Variants in ZC3H14 observed in about 807,000 individuals in gnomAD.
The protein encoded by ZC3H14 is zinc finger CCCH domain-containing protein 14.
A neutral mutation model predicts 92.4 loss-of-function variants in ZC3H14; 31 were observed. The observed-to-expected ratio is 0.34, with a 90% CI of 0.25 to 0.45. The LOEUF (loss-of-function observed/expected upper bound fraction) is 0.45. Ranked by LOEUF, ZC3H14 falls within the 20% of genes least tolerant of loss-of-function variation. The pLI, the probability that ZC3H14 is intolerant of heterozygous loss-of-function variation, is 1.00. For synonymous variants in ZC3H14, 321 were observed against 300.9 expected (o/e 1.07, Z -0.69); for missense variants, 781 against 897.3 (o/e 0.87, Z 1.66).
chr14:88,603,046 G>A lies in ZC3H14; in HGVS notation c.1733G>A (p.Gly578Asp). Reference protein sequence around the residue: ...LLSRQLEDPNGSFSNAEMSEL... With the variant: ...LLSRQLEDPNDSFSNAEMSEL... ...AGCAGGCAGCTTGAGGACCCAAATG[G>A]TAGCTTTTCTAACGGTGTGTTGAGA... Residue 578 changes from glycine (G) to aspartate (D), a missense_variant, in exon 12 of 17, where the codon GGT becomes GAT. Around this residue, in one of 3 missense-constraint regions of ZC3H14, gnomAD observed 221 missense variants for 304.7 expected, o/e 0.73. Transcript: ENST00000251038. The A allele has an allele frequency of 3.1e-6, 5 of 1,614,160 alleles. No homozygotes were observed. Among genetic ancestry groups the A allele is most frequent in the Non-Finnish European group, 4.2e-6 (5 of 1,180,018 alleles).
intron 2 of ZC3H14, among the ~76,000 whole-genome samples, chr14:88,567,342 C>T (rs2079817465): frequency 6.6e-6 from 1 of 151,334 alleles, no homozygotes. Flanking sequence ...GTCTCAATCT[C>T]CTAACCTTGT....
intron 2 of ZC3H14, 153 bp from the exon 3 acceptor site, chr14:88,567,884 GAA>G: frequency 1.4e-6 from 1 of 695,974 alleles, no homozygotes; most frequent in Non-Finnish European, 2.6e-6. Flanking sequence ...GGAATGAAGA[GAA>G]AAAAATTAAA....
Position 88,624,067 on chromosome 14 carries a change from T to A in ZC3H14, c.*12316T>A, listed in dbSNP as rs1171532975. Reference sequence around the variant, plus strand: ...ACTTCTTAGTCAACTATATGTCACATTTTTTTTTGTTTTTGTTTTTGTTTT... The same window carrying A: ...ACTTCTTAGTCAACTATATGTCACAATTTTTTTTGTTTTTGTTTTTGTTTT... On this transcript the variant is annotated 3_prime_UTR_variant, in exon 17 of 17. Transcript: ENST00000251038. The A allele has an allele frequency of 2.0e-5, 3 of 151,336 alleles. No homozygotes were observed. The highest frequency in any genetic ancestry group is 6.6e-5 in the Admixed American group (1 of 15,178). The allele number at this position is 151,336 out of a possible 1,614,324, so 9.4% of individuals were successfully genotyped here. A position where few individuals can be genotyped will look rare whatever the true frequency, so the allele number is the denominator to read the frequency against.
intron 6 of ZC3H14, chr14:88,573,559 G>GA (rs1566903152): frequency 6.6e-6 from 1 of 151,792 alleles, no homozygotes; most frequent in Admixed American, 6.6e-5. Context: ...TCAGCCTCCC[G>GA]AGTAGCTGGT....
Position 88,627,022 on chromosome 14 carries a change from C to T in ZC3H14, c.*15271C>T, listed in dbSNP as rs757023015. On this transcript the variant is annotated 3_prime_UTR_variant, in exon 17 of 17. Coordinates refer to ENST00000251038, the MANE Select transcript of ZC3H14 (RefSeq NM_024824.5). The stretch of plus-strand genomic sequence containing the variant: ...TGCCACAAAAATACGTTGATTGTGA[C>T]CAGCTCTGCTGGCAATTTTGGCACC... 1 of 1,613,720 alleles carries T rather than the reference C, an allele frequency of 6.2e-7. No individual in the cohort carries two copies. The highest frequency in any genetic ancestry group is 1.1e-5 in the South Asian group (1 of 91,070).
Position 88,625,238 on chromosome 14 carries a change from A to C in ZC3H14, c.*13487A>C. 7.8e-7 allele frequency: 1 copy of C among 1,290,200 alleles called. No individual in the cohort carries two copies. Among genetic ancestry groups the C allele is most frequent in the Non-Finnish European group, 1.1e-6 (1 of 944,216 alleles). 79.9% of individuals were successfully genotyped at this position (1,290,200 alleles called of 1,614,324 possible). The stretch of plus-strand genomic sequence containing the variant: ...CTGTCTCACCCTTGATACAAAGAGC[A>C]TGCATCGTGTAGTGGCAGCAGCACT... On this transcript the variant is annotated 3_prime_UTR_variant, in exon 17 of 17. Coordinates refer to ENST00000251038, the MANE Select transcript of ZC3H14 (RefSeq NM_024824.5).
chr14:88,594,613 C>T (rs1220442627), intron 9 of ZC3H14: 1 of 1,594,914 alleles, frequency 6.3e-7, no homozygotes, highest in Admixed American at 1.7e-5. Context: ...AGGTAACAGC[C>T]TTGATCACTG....
intron 2 of ZC3H14, among the ~76,000 whole-genome samples, chr14:88,566,170 G>A (rs2079596342): frequency 6.6e-6 from 1 of 151,338 alleles, no homozygotes; most frequent in Admixed American, 6.6e-5. Flanking sequence ...GTGAGCCACT[G>A]TGCCTTGCCT....
In ZC3H14 at chr14:88,617,902, G is replaced by A. The variant is rs539105844; in HGVS notation, c.*6151G>A. 4 of 176,508 alleles carry A rather than the reference G, an allele frequency of 2.3e-5. No individual in the cohort carries two copies. Among genetic ancestry groups the A allele is most frequent in the South Asian group, 1.5e-4 (1 of 6,572 alleles). 10.9% of individuals were successfully genotyped at this position (176,508 alleles called of 1,614,324 possible). ...ATTCAAGATAGCATTCCTTTAGATA[G>A]AGAATTAATAACAGTTGCTTAACAG... On this transcript the variant is annotated 3_prime_UTR_variant, in exon 17 of 17. Coordinates refer to ENST00000251038, the MANE Select transcript of ZC3H14 (RefSeq NM_024824.5).
intron 3 of ZC3H14, 67 bp downstream of exon 3, chr14:88,568,220 A>C (rs1389127586): frequency 3.0e-6 from 4 of 1,351,524 alleles, no homozygotes; most frequent in Non-Finnish European, 4.2e-6. Flanking sequence ...ATTCTGTCCA[A>C]AGAGAGGTTC....
intron 9 of ZC3H14, among the ~76,000 whole-genome samples, chr14:88,579,135 C>T (rs1408913713): frequency 2.0e-5 from 3 of 152,104 alleles, no homozygotes; most frequent in African/African-American, 7.2e-5. Context: ...TTTCAAGAAC[C>T]TTGGAATATA....
In ZC3H14 at chr14:88,616,984, C is replaced by T; in HGVS notation, c.*5233C>T. On this transcript the variant is annotated 3_prime_UTR_variant, in exon 17 of 17. Transcript: ENST00000251038. The stretch of plus-strand genomic sequence containing the variant: ...AATCTCTAAGTACCCTATCATGTTA[C>T]TTAAAATACAGGAAGTAAATTATGG... 3 of 1,041,278 alleles carry T rather than the reference C, an allele frequency of 2.9e-6. No homozygotes were observed. The highest frequency in any genetic ancestry group is 4.1e-6 in the Non-Finnish European group (3 of 723,050). 64.5% of individuals were successfully genotyped at this position (1,041,278 alleles called of 1,614,324 possible).
intron 10 of ZC3H14, among the ~76,000 whole-genome samples, chr14:88,600,632 G>T (rs2084493213): frequency 6.6e-6 from 1 of 151,860 alleles, no homozygotes; most frequent in South Asian, 2.1e-4. Context: ...TTTATTTTCT[G>T]GTTGATGGGA....
chr14:88,595,077 A>G (rs753172857), intron 9 of ZC3H14: 16 of 1,612,896 alleles, frequency 9.9e-6, no homozygotes, highest in Non-Finnish European at 1.4e-5. Context: ...CTACTGATGT[A>G]AAAATAATCG....
At chr14:88,566,080 A>G (rs913555933) in intron 2 of ZC3H14, among the ~76,000 whole-genome samples, 1 of 125,412 alleles carries the variant, frequency 8.0e-6, no homozygotes, top group Non-Finnish European at 1.6e-5. Flanking sequence ...GTGTTTCACC[A>G]TGTTGGCCAG....
intron 2 of ZC3H14, among the ~76,000 whole-genome samples, chr14:88,564,232 C>T (rs992990378): frequency 1.3e-5 from 2 of 152,072 alleles, no homozygotes; most frequent in Admixed American, 6.6e-5. Flanking sequence ...TTTTATTTTC[C>T]GATCTCTTTA....
rs2088190261 is a variant in ZC3H14, at chr14:88,618,607, GC to G, written c.*6857del. ...GCATTCACTAACACGAAATGTAAAA[GC>G]AGAAGAACTTGCCACCTGGGTATAC... On this transcript the variant is annotated 3_prime_UTR_variant, in exon 17 of 17. Transcript: ENST00000251038. 2.5e-6 allele frequency: 4 copies of G among 1,572,022 alleles called. No individual in the cohort carries two copies. The highest frequency in any genetic ancestry group is 3.4e-6 in the Non-Finnish European group (4 of 1,160,496).
intron 7 of ZC3H14, among the ~76,000 whole-genome samples, chr14:88,575,372 C>G (rs565105064): frequency 3.3e-5 from 5 of 151,902 alleles, no homozygotes; most frequent in Non-Finnish European, 7.4e-5. Context: ...GGAACAACAT[C>G]AATTAAGATT....
intron 9 of ZC3H14, chr14:88,591,583 C>G (rs2083139164): frequency 6.6e-6 from 1 of 152,100 alleles, no homozygotes; most frequent in South Asian, 2.1e-4. Flanking sequence ...ACTGGAAGCA[C>G]TGTGAAAGAT....
Sources: allele counts gnomAD v4.1 joint callset (sites outside exome capture counted in the v4.1 genomes callset), GRCh38; gene constraint gnomAD v4.1.1; regional missense constraint gnomAD v4.1.1; transcripts MANE v1.5; gene names NCBI Gene and HGNC (gene_info 2026-07-23, HGNC 2026-07-21).